Variants in MIGA2 observed in about 807,000 individuals in gnomAD.
The protein encoded by MIGA2 is mitoguardin 2.
MIGA2 carries 36 observed loss-of-function variants against 69.9 expected under a neutral mutation model. The observed-to-expected ratio is 0.52, with a 90% CI of 0.39 to 0.68. The LOEUF is 0.68. Ranked by LOEUF, MIGA2 falls within the 30% of genes least tolerant of loss-of-function variation. The pLI is 0.00. For synonymous variants in MIGA2, 333 were observed against 349.2 expected, an observed-to-expected ratio of 0.95 and a Z score of 0.52; for missense variants, 660 against 787.7, an observed-to-expected ratio of 0.84 and a Z score of 1.94.
rs145038968 is a variant in MIGA2, at chr9:129,052,588, C to T, written c.675+2625C>T. Among the ~76,000 whole-genome samples the T allele has an allele frequency of 3.9e-3, 597 of 152,174 alleles. 7 individuals carry two copies. Among genetic ancestry groups the T allele is most frequent in the African/African-American group, 0.013 (547 of 41,512 alleles). ...GCCCAGGAATTTGAGGGGATGGGGC[C>T]ACTTTTGGCAGCGGAGGTAGAAGGA... On this transcript the variant is annotated intron_variant, in intron 6 of 15. Transcript: ENST00000684074.
chr9:129,042,457 C>T lies in MIGA2; in HGVS notation c.250C>T (p.Leu84=). 1.2e-6 allele frequency: 2 copies of T among 1,608,234 alleles called. No homozygotes were observed. Among genetic ancestry groups the T allele is most frequent in the South Asian group, 2.2e-5 (2 of 90,184 alleles). The part of the protein sequence containing the change: ...QVGPEMGGEQ[L]GTVPLPILLA... ...TGGTCCCGAGATGGGAGGGGAGCAG[C>T]TGGGCACGGTGCCCCTCCCTATCCT... is the stretch of plus-strand genomic sequence containing the variant. The change falls in exon 3 of 16, where the codon CTG becomes TTG. Residue 84 remains leucine (L), a synonymous_variant. Transcript: ENST00000684074.
chr9:129,040,970 C>A (rs1844872823), intron 2 of MIGA2, among the ~76,000 whole-genome samples: 1 of 152,140 alleles, frequency 6.6e-6, no homozygotes, highest in African/African-American at 2.4e-5. Context: ...ACGGGCGGAT[C>A]ACCTGAGGTC....
chr9:129,057,875 G>A (rs775022364), intron 6 of MIGA2, among the ~76,000 whole-genome samples: 1 of 151,860 alleles, frequency 6.6e-6, no homozygotes, highest in Non-Finnish European at 1.5e-5. Context: ...CAAAGTGCTG[G>A]GATTATAGGT....
At chr9:129,063,699 C>T in intron 11 of MIGA2, 68 bp downstream of exon 11, 1 of 1,520,716 alleles carries the variant, frequency 6.6e-7, no homozygotes, top group Non-Finnish European at 9.1e-7. Context: ...CTGAACCCCA[C>T]CTGCCAGAGG....
chr9:129,037,107 G>A, intron 1 of MIGA2: 1 of 969,358 alleles, frequency 1.0e-6, no homozygotes, highest in Non-Finnish European at 1.2e-6. Flanking sequence ...TGAAGACGGG[G>A]ATATTGCTGA....
At position 129,049,969 on chromosome 9, in the gene MIGA2, T is replaced by G. The variant is rs559078826; in HGVS notation, c.675+6T>G. 11 of 1,610,186 alleles carry G rather than the reference T, an allele frequency of 6.8e-6. No individual in the cohort carries two copies. In the African/African-American group the frequency reaches 1.5e-4, roughly 22 times the overall value. On this transcript the variant is annotated splice_donor_region_variant and intron_variant, in intron 6 of 15. Transcript: ENST00000684074. ...CATCAGAGCCACTGTCTGAGGTAGG[T>G]GGTCTTCTGCATCCCCCTACGCCCA...
At position 129,048,460 on chromosome 9, in the gene MIGA2, G is replaced by C. The variant is rs1482165331; in HGVS notation, c.341G>C (p.Ser114Thr). ...YSSRRVQSPS[S>T]KSNDTLSGIS... ...AGCCGGAGAGTCCAGAGCCCCAGCA[G>C]CAAGAGCAACGACACCCTGAGTGGC... The change falls in exon 4 of 16, where the codon AGC becomes ACC. Residue 114 changes from serine to threonine, a missense_variant. Physicochemically the swap from Ser to Thr is moderately conservative, Grantham distance 58 (BLOSUM62 1). Around this residue, in one of 3 missense-constraint regions of MIGA2, gnomAD observed 386 missense variants for 402.0 expected, o/e 0.96. Transcript: ENST00000684074. 2 of 1,614,066 alleles carry C rather than the reference G, an allele frequency of 1.2e-6. No homozygotes were observed. The highest frequency in any genetic ancestry group is 1.7e-6 in the Non-Finnish European group (2 of 1,179,978).
At chr9:129,041,989 C>T (rs1279207058) in intron 2 of MIGA2, 1 of 327,976 alleles carries the variant, frequency 3.0e-6, no homozygotes, top group Non-Finnish European at 5.9e-6. Context: ...GTACCCCAGG[C>T]TAGGTCCTAG....
chr9:129,045,441 C>CAAA (rs766649271), intron 3 of MIGA2, among the ~76,000 whole-genome samples: 1 of 20,028 alleles, frequency 5.0e-5, no homozygotes, highest in African/African-American at 1.7e-4. Context: ...GACTCTGTCT[C>CAAA]AAAAAAAAAA....
At chr9:129,049,210 G>C (rs1268156145) in intron 4 of MIGA2, among the ~76,000 whole-genome samples, 171 bp from the exon 5 acceptor site, 1 of 152,220 alleles carries the variant, frequency 6.6e-6, no homozygotes, top group African/African-American at 2.4e-5. Context: ...CAGGCAGTTT[G>C]TGGGTCCAGG....
intron 11 of MIGA2, among the ~76,000 whole-genome samples, chr9:129,065,227 G>A (rs1424758283): frequency 6.6e-6 from 1 of 151,938 alleles, no homozygotes; most frequent in African/African-American, 2.4e-5. Flanking sequence ...TTGAGGCCAG[G>A]AGTTCAAGGC....
At chr9:129,053,887 T>G (rs1488909878) in intron 6 of MIGA2, among the ~76,000 whole-genome samples, 3 of 151,970 alleles carry the variant, frequency 2.0e-5, no homozygotes, top group Non-Finnish European at 4.4e-5. Context: ...TGCAGTGGCG[T>G]GACCAATTAG....
At position 129,068,268 on chromosome 9, in the gene MIGA2, A is replaced by G; in HGVS notation, c.1340A>G (p.Asn447Ser). Residue 447 changes from asparagine (N) to serine (S), a missense_variant, in exon 13 of 16, where the codon AAC becomes AGC. Asn to Ser is a conservative substitution (Grantham distance 46). Coordinates refer to ENST00000684074, the MANE Select transcript of MIGA2 (RefSeq NM_001329990.2). This position sits in a 1 kb window ranked among gnomAD's most constrained non-coding sequence, Gnocchi z 4.1. Reference protein sequence around the residue: ...ILMDAFEDLENPPASVLAVLR... With the variant: ...ILMDAFEDLESPPASVLAVLR... ...ATGGACGCCTTCGAGGACCTGGAGAACCCTCCGGCCTCGGTGCTCGCCGTC... is the reference window on the plus strand; with the variant it reads ...ATGGACGCCTTCGAGGACCTGGAGAGCCCTCCGGCCTCGGTGCTCGCCGTC... The G allele has an allele frequency of 6.2e-7, 1 of 1,608,054 alleles. No homozygotes were observed. The highest frequency in any genetic ancestry group is 8.5e-7 in the Non-Finnish European group (1 of 1,177,640).
chr9:129,063,359 G>A (rs779592549), intron 10 of MIGA2, 43 bp downstream of exon 10: 5 of 1,607,146 alleles, frequency 3.1e-6, no homozygotes, highest in South Asian at 1.1e-5. Context: ...GAGGCAAGGG[G>A]TAGTCAGGCT....
At chr9:129,042,279 CG>C in intron 2 of MIGA2, 24 bp from the exon 3 acceptor site, 1 of 1,608,592 alleles carries the variant, frequency 6.2e-7, no homozygotes, top group Non-Finnish European at 8.5e-7. Context: ...GAGGTGTAAC[CG>C]GCAGCGTCTC....
Position 129,040,703 on chromosome 9 carries a change from G to A in MIGA2, c.96+13G>A. ...GACGTTTGGGCAGGTAAGGATCAGG[G>A]TGGGTTGTACCTCTGGTCTATGAAA... On this transcript the variant is annotated intron_variant, in intron 2 of 15. Coordinates refer to ENST00000684074, the MANE Select transcript of MIGA2 (RefSeq NM_001329990.2). 1 of 1,611,176 alleles carries A rather than the reference G, an allele frequency of 6.2e-7. No individual in the cohort carries two copies. Among genetic ancestry groups the A allele is most frequent in the South Asian group, 1.1e-5 (1 of 90,918 alleles).
At chr9:129,054,457 C>T (rs923600175) in intron 6 of MIGA2, among the ~76,000 whole-genome samples, 1 of 152,152 alleles carries the variant, frequency 6.6e-6, no homozygotes, top group African/African-American at 2.4e-5. Flanking sequence ...GACCCTGTCT[C>T]AACAACAACA....
At chr9:129,064,234 T>A (rs373637112) in intron 11 of MIGA2, among the ~76,000 whole-genome samples, 1 of 151,652 alleles carries the variant, frequency 6.6e-6, no homozygotes, top group East Asian at 1.9e-4. Flanking sequence ...TGAGACAGAG[T>A]CTCGCTCTCT....
intron 6 of MIGA2, among the ~76,000 whole-genome samples, chr9:129,050,449 A>G (rs545575627): frequency 1.5e-4 from 23 of 149,190 alleles, no homozygotes; most frequent in Non-Finnish European, 3.3e-4. Flanking sequence ...TAATTTTTGT[A>G]TTTTTAGTAG....
Sources: allele counts gnomAD v4.1 joint callset (sites outside exome capture counted in the v4.1 genomes callset), GRCh38; gene constraint gnomAD v4.1.1; regional missense constraint gnomAD v4.1.1; non-coding constraint Gnocchi (gnomAD v3.1); transcripts MANE v1.5; gene names NCBI Gene and HGNC (gene_info 2026-07-23, HGNC 2026-07-21).